GMDS: variants seen among roughly 807,000 people sequenced by gnomAD.
GMDS encodes GDP-mannose 4,6 dehydratase.
A neutral mutation model predicts 49.9 loss-of-function variants in GMDS; 20 were observed. The observed-to-expected ratio is 0.40, with a 90% CI of 0.28 to 0.58. The LOEUF (loss-of-function observed/expected upper bound fraction) is 0.58, where lower values mean the gene tolerates loss of function less well. Ranked by LOEUF, GMDS falls within the 20% of genes least tolerant of loss-of-function variation. The pLI is 0.42. For missense variants in GMDS, 362 were observed against 481.4 expected (o/e 0.75, Z 2.32); for synonymous variants, 177 against 178.6 (o/e 0.99, Z 0.07).
intron 4 of GMDS, among the ~76,000 whole-genome samples, chr6:2,008,106 TTA>T (rs1767312397): frequency 6.6e-6 from 1 of 152,224 alleles, no homozygotes; most frequent in African/African-American, 2.4e-5. Context: ...AAATTGCAAT[TTA>T]TAGTCTATTT....
chr6:2,139,126 A>G (rs1402031089), intron 1 of GMDS, among the ~76,000 whole-genome samples: 2 of 152,204 alleles, frequency 1.3e-5, no homozygotes, highest in Non-Finnish European at 2.9e-5. Context: ...TGACAGGTAC[A>G]CTGAAATCTC....
At chr6:1,739,370 C>T (rs1237073802) in intron 8 of GMDS, among the ~76,000 whole-genome samples, 2 of 152,238 alleles carry the variant, frequency 1.3e-5, no homozygotes, top group Non-Finnish European at 2.9e-5. Flanking sequence ...TGCCTCCAGG[C>T]TCGCCCTAAC....
At chr6:2,060,672 A>C (rs918103748) in intron 4 of GMDS, among the ~76,000 whole-genome samples, 1 of 152,338 alleles carries the variant, frequency 6.6e-6, no homozygotes. Flanking sequence ...AGAGAAAAGG[A>C]TGAGGTATGA....
chr6:1,813,339 A>G (rs1297409984), intron 7 of GMDS, among the ~76,000 whole-genome samples: 3 of 152,020 alleles, frequency 2.0e-5, no homozygotes, highest in Non-Finnish European at 4.4e-5. Context: ...TTTTTTTCTA[A>G]GCTAATCACT....
chr6:2,053,199 CA>C (rs1330373925), intron 4 of GMDS, among the ~76,000 whole-genome samples: 1 of 151,924 alleles, frequency 6.6e-6, no homozygotes, highest in African/African-American at 2.4e-5. Context: ...TTTACATTAT[CA>C]AAAAATAGGC....
At chr6:1,771,054 A>G (rs562107642) in intron 7 of GMDS, among the ~76,000 whole-genome samples, 3 of 152,354 alleles carry the variant, frequency 2.0e-5, no homozygotes, top group Admixed American at 2.0e-4. Context: ...TAAATTAAAT[A>G]AGTGAAATGT....
intron 7 of GMDS, among the ~76,000 whole-genome samples, chr6:1,822,107 G>A (rs1162863663): frequency 1.3e-5 from 2 of 152,190 alleles, no homozygotes; most frequent in African/African-American, 4.8e-5. Flanking sequence ...AGACGGCTAT[G>A]ACAACTGACT....
At chr6:1,694,036 T>C (rs1051990841) in intron 9 of GMDS, among the ~76,000 whole-genome samples, 1 of 152,214 alleles carries the variant, frequency 6.6e-6, no homozygotes, top group African/African-American at 2.4e-5. Context: ...ACTGTTTTTA[T>C]TCACTGCAGT....
chr6:1,703,447 CTAGT>C (rs1765613838), intron 9 of GMDS, among the ~76,000 whole-genome samples: 1 of 151,650 alleles, frequency 6.6e-6, no homozygotes. Flanking sequence ...TGTAGCTCAG[CTAGT>C]TAGAGACTTG....
At chr6:1,821,883 T>A (rs1297430029) in intron 7 of GMDS, among the ~76,000 whole-genome samples, 1 of 152,106 alleles carries the variant, frequency 6.6e-6, no homozygotes, top group Admixed American at 6.5e-5. Flanking sequence ...TGCACATCTG[T>A]TTCCAGTGCA....
chr6:1,840,981 C>T (rs547836943), intron 7 of GMDS, among the ~76,000 whole-genome samples: 12 of 152,224 alleles, frequency 7.9e-5, no homozygotes, highest in East Asian at 3.9e-4. Context: ...ACAGGACAGA[C>T]GGAAACTTAT....
chr6:2,243,355 C>G (rs1055206943), intron 1 of GMDS, among the ~76,000 whole-genome samples: 1 of 152,196 alleles, frequency 6.6e-6, no homozygotes, highest in African/African-American at 2.4e-5. Context: ...GGTTCCATTT[C>G]TAATCTGCAC....
chr6:1,736,802 A>G (rs748507474), intron 8 of GMDS, among the ~76,000 whole-genome samples: 6 of 152,210 alleles, frequency 3.9e-5, no homozygotes, highest in Non-Finnish European at 7.3e-5. Context: ...GGCTCATTAC[A>G]TGAGAGTTCT....
chr6:1,932,788 T>C (rs1351316000), intron 6 of GMDS, among the ~76,000 whole-genome samples: 1 of 152,184 alleles, frequency 6.6e-6, no homozygotes, highest in Non-Finnish European at 1.5e-5. Flanking sequence ...TCCACCTGCC[T>C]TGGCCTCCGA....
intron 9 of GMDS, among the ~76,000 whole-genome samples, chr6:1,711,764 C>T (rs1765974057): frequency 6.6e-6 from 1 of 152,178 alleles, no homozygotes; most frequent in Non-Finnish European, 1.5e-5. Context: ...ACTTGGGAAA[C>T]TTGTGGAAAG....
chr6:1,685,243 G>C (rs2492844), intron 9 of GMDS, among the ~76,000 whole-genome samples: 134,229 of 151,876 alleles, frequency 0.88, 59,558 homozygotes, highest in Middle Eastern at 0.95. Flanking sequence ...ACTATAAACA[G>C]CAAAAAAATT....
intron 7 of GMDS, among the ~76,000 whole-genome samples, chr6:1,827,627 A>C (rs1230921500): frequency 6.6e-6 from 1 of 152,220 alleles, no homozygotes; most frequent in Non-Finnish European, 1.5e-5. Context: ...CAAGGGATTC[A>C]AAAGAATTGC....
At chr6:2,216,189 TA>T (rs1487911007) in intron 1 of GMDS, among the ~76,000 whole-genome samples, 1 of 152,232 alleles carries the variant, frequency 6.6e-6, no homozygotes, top group African/African-American at 2.4e-5. Context: ...GATTTTAGAT[TA>T]AATAGTTTTA....
chr6:1,814,211 G>A (rs1485588948), intron 7 of GMDS, among the ~76,000 whole-genome samples: 1 of 152,182 alleles, frequency 6.6e-6, no homozygotes, highest in Non-Finnish European at 1.5e-5. Context: ...GCAAAACTGG[G>A]AGGCTTTCAT....
Sources: allele counts gnomAD v4.1 joint callset (sites outside exome capture counted in the v4.1 genomes callset), GRCh38; gene constraint gnomAD v4.1.1; transcripts MANE v1.5; gene names NCBI Gene and HGNC (gene_info 2026-07-23, HGNC 2026-07-21).